Variants in PPP6C observed in about 807,000 individuals in gnomAD.
PPP6C encodes protein phosphatase 6 catalytic subunit.
In PPP6C, 11 loss-of-function variants were observed where a neutral mutation model predicts 39.8. The ratio of observed to expected loss-of-function variants is 0.28; its 90% confidence interval spans 0.17 to 0.46. PPP6C has a LOEUF of 0.46. Ranked by LOEUF, PPP6C falls within the 20% of genes least tolerant of loss-of-function variation. The probability of loss-of-function intolerance (pLI) is 1.00; values close to 1 mark genes in which losing one functional copy is unlikely to be tolerated. For synonymous variants in PPP6C, 129 were observed against 130.3 expected, an observed-to-expected ratio of 0.99 and a Z score of 0.07; for missense variants, 211 against 373.9, an observed-to-expected ratio of 0.56 and a Z score of 3.59.
intron 2 of PPP6C, among the ~76,000 whole-genome samples, chr9:125,162,839 A>G (rs1269977899): frequency 6.6e-6 from 1 of 151,348 alleles, no homozygotes; most frequent in African/African-American, 2.4e-5. Context: ...GCACTTTGGG[A>G]GGCCGAGGCG....
chr9:125,186,824 G>A (rs1829539174), intron 1 of PPP6C, among the ~76,000 whole-genome samples: 1 of 151,174 alleles, frequency 6.6e-6, no homozygotes, highest in Non-Finnish European at 1.5e-5. Flanking sequence ...GTACAATGCA[G>A]CTATGTTTCA....
At chr9:125,186,078 G>C (rs1363591912) in intron 1 of PPP6C, among the ~76,000 whole-genome samples, 1 of 152,078 alleles carries the variant, frequency 6.6e-6, no homozygotes, top group African/African-American at 2.4e-5. Flanking sequence ...AACATCGTAT[G>C]CATTTAGTAT....
chr9:125,167,389 A>AAAAAAAAAAAAAAAAAAG (rs1554722081), intron 2 of PPP6C, among the ~76,000 whole-genome samples: 1 of 138,054 alleles, frequency 7.2e-6, no homozygotes, highest in African/African-American at 2.7e-5. Flanking sequence ...CAAAAAAAAA[A>AAAAAAAAAAAAAAAAAAG]AAAAAAAAAA....
At chr9:125,174,727 T>A (rs56331343) in intron 1 of PPP6C, among the ~76,000 whole-genome samples, 6,530 of 151,668 alleles carry the variant, frequency 0.043, 197 homozygotes, top group Middle Eastern at 0.092. Flanking sequence ...CTAGCCAACA[T>A]AGCAAAACCC....
intron 3 of PPP6C, 144 bp downstream of exon 3, chr9:125,160,697 G>A (rs1289343348): frequency 1.4e-5 from 7 of 501,576 alleles, no homozygotes; most frequent in South Asian, 8.0e-5. Context: ...CTTTATCAGC[G>A]GCGTGAAAAC....
Position 125,148,143 on chromosome 9 carries a change from C to T in PPP6C, c.*1530G>A, listed in dbSNP as rs1588268219. 5.4e-6 allele frequency: 1 copy of T among 185,000 alleles called. No homozygotes were observed. Among genetic ancestry groups the T allele is most frequent in the African/African-American group, 2.4e-5 (1 of 41,544 alleles). The allele number at this position is 185,000 out of a possible 1,614,324, so 11.5% of individuals were successfully genotyped here. A position where few individuals can be genotyped will look rare whatever the true frequency, so the allele number is the denominator to read the frequency against. ...GAAAACCCTGATGAAAAATTATATG[C>T]CAAGAAGCTTAGACTATAAAGATTT... On this transcript the variant is annotated 3_prime_UTR_variant, in exon 7 of 7. Coordinates refer to ENST00000373547, the MANE Select transcript of PPP6C (RefSeq NM_002721.5).
chr9:125,189,158 C>CG (rs1301909826), intron 1 of PPP6C, among the ~76,000 whole-genome samples: 2 of 152,186 alleles, frequency 1.3e-5, no homozygotes, highest in African/African-American at 4.8e-5. Context: ...TCGGGCCCAC[C>CG]GCCTTCCCCT....
intron 2 of PPP6C, among the ~76,000 whole-genome samples, chr9:125,170,171 T>C (rs747650470): frequency 1.3e-5 from 2 of 152,026 alleles, no homozygotes; most frequent in African/African-American, 4.8e-5. Context: ...TCTACAAATA[T>C]ACATGAGACT....
chr9:125,171,288 A>G (rs1455813614), intron 1 of PPP6C, 108 bp from the exon 2 acceptor site: 2 of 792,038 alleles, frequency 2.5e-6, no homozygotes, highest in Non-Finnish European at 3.8e-6. Context: ...ACCCAAGTAT[A>G]CTTTTTGATA....
chr9:125,154,768 T>G (rs1323378990), intron 4 of PPP6C, among the ~76,000 whole-genome samples: 3 of 152,232 alleles, frequency 2.0e-5, no homozygotes, highest in African/African-American at 7.2e-5. Context: ...CAGGGCTAAG[T>G]TGTCTCTTCT....
chr9:125,152,452 A>G (rs1052719837), intron 6 of PPP6C, among the ~76,000 whole-genome samples: 1 of 152,128 alleles, frequency 6.6e-6, no homozygotes, highest in African/African-American at 2.4e-5. Context: ...CCTTTTGATT[A>G]ATTTAAGTAT....
intron 6 of PPP6C, chr9:125,150,574 T>C: frequency 4.5e-6 from 3 of 667,484 alleles, no homozygotes; most frequent in African/African-American, 1.8e-5. Context: ...ATTGAGTCTC[T>C]GGGCCGACTT....
At chr9:125,185,427 C>T (rs2074198255) in intron 1 of PPP6C, among the ~76,000 whole-genome samples, 1 of 152,062 alleles carries the variant, frequency 6.6e-6, no homozygotes, top group South Asian at 2.1e-4. Context: ...GGCATGGTGG[C>T]TCACGCCTGT....
intron 4 of PPP6C, among the ~76,000 whole-genome samples, chr9:125,157,273 G>A (rs1341014958): frequency 6.6e-6 from 1 of 151,856 alleles, no homozygotes; most frequent in Admixed American, 6.6e-5. Flanking sequence ...GAGCCACTGC[G>A]CCTGGCCTAT....
At chr9:125,182,312 A>G (rs1273936318) in intron 1 of PPP6C, among the ~76,000 whole-genome samples, 3 of 152,150 alleles carry the variant, frequency 2.0e-5, no homozygotes, top group Middle Eastern at 3.4e-3. Context: ...CTACTTTTAC[A>G]TACTGGTATT....
chr9:125,149,641 AG>A lies in PPP6C; in HGVS notation c.*31del, dbSNP rs762907343. On this transcript the variant is annotated 3_prime_UTR_variant, in exon 7 of 7. Coordinates refer to ENST00000373547, the MANE Select transcript of PPP6C (RefSeq NM_002721.5). ...AAGAAAATTGGGGTAAGAAGAGGGC[AG>A]AAAAATGGGTCAGCAGGATGGGCGA... 4 of 1,605,648 alleles carry A rather than the reference AG, an allele frequency of 2.5e-6. No homozygotes were observed. The highest frequency in any genetic ancestry group is 2.2e-5 in the East Asian group (1 of 44,778).
intron 1 of PPP6C, chr9:125,189,417 G>T (rs912011351): frequency 1.6e-6 from 2 of 1,261,916 alleles, no homozygotes; most frequent in Non-Finnish European, 2.1e-6. Context: ...CCCTGGGACA[G>T]AGGCCGCGAC....
rs932742677 is a variant in PPP6C, at chr9:125,167,841, G to C, written c.171+3244C>G. Among the ~76,000 whole-genome samples, 13 of 135,192 alleles carry C rather than the reference G, an allele frequency of 9.6e-5. 1 individual carries two copies. The South Asian group carries it at 2.7e-3, about 28-fold the overall frequency. The allele number at this position is 135,192 out of a possible 152,430, so 88.7% of individuals were successfully genotyped here. ...CAGGAGTTTGAGATGGGGGGGGGGG[G>C]GGGGGGTATCATTTGGTTGCCCAGG... is the stretch of plus-strand genomic sequence containing the variant. On this transcript the variant is annotated intron_variant, in intron 2 of 6. Coordinates refer to ENST00000373547, the MANE Select transcript of PPP6C (RefSeq NM_002721.5).
At chr9:125,180,560 T>C (rs1430760559) in intron 1 of PPP6C, among the ~76,000 whole-genome samples, 2 of 152,118 alleles carry the variant, frequency 1.3e-5, no homozygotes, top group Non-Finnish European at 2.9e-5. Flanking sequence ...TAGCTGGGAT[T>C]ACGGCACACG....
Sources: allele counts gnomAD v4.1 joint callset (sites outside exome capture counted in the v4.1 genomes callset), GRCh38; gene constraint gnomAD v4.1.1; transcripts MANE v1.5; gene names NCBI Gene and HGNC (gene_info 2026-07-23, HGNC 2026-07-21).